EPB41L1: variants seen among roughly 807,000 people sequenced by gnomAD.
EPB41L1 encodes erythrocyte membrane protein band 4.1 like 1.
Under a neutral mutation model 97.8 loss-of-function variants are expected in EPB41L1, and 29 were observed. The ratio of observed to expected loss-of-function variants is 0.30; its 90% CI spans 0.22 to 0.40. The LOEUF (loss-of-function observed/expected upper bound fraction) is 0.40. Ranked by LOEUF, EPB41L1 falls within the 10% of genes least tolerant of loss-of-function variation. The pLI is 1.00. For synonymous variants in EPB41L1, 383 were observed against 459.2 expected, an observed-to-expected ratio of 0.83 and a Z score of 2.12; for missense variants, 812 against 1,162.3, an observed-to-expected ratio of 0.70 and a Z score of 4.38.
At chr20:36,198,934 G>A (rs1460100776) in intron 14 of EPB41L1, among the ~76,000 whole-genome samples, 3 of 152,072 alleles carry the variant, frequency 2.0e-5, no homozygotes, top group African/African-American at 7.2e-5. Context: ...TACTTCATGG[G>A]GATGTTGTAA....
intron 2 of EPB41L1, chr20:36,113,622 T>C (rs1042004293): frequency 6.6e-6 from 1 of 152,432 alleles, no homozygotes; most frequent in African/African-American, 2.4e-5. Context: ...GCGATTTGGC[T>C]CCTTCCTACA....
intron 1 of EPB41L1, among the ~76,000 whole-genome samples, chr20:36,170,696 A>C (rs2060951075): frequency 6.6e-6 from 1 of 152,062 alleles, no homozygotes; most frequent in African/African-American, 2.4e-5. Flanking sequence ...GGATCTGGGG[A>C]GTCTGGAGGC....
At chr20:36,192,055 A>G (rs770710706) in intron 11 of EPB41L1, among the ~76,000 whole-genome samples, 1 of 151,906 alleles carries the variant, frequency 6.6e-6, no homozygotes, top group Non-Finnish European at 1.5e-5. Flanking sequence ...ATGAAACCCC[A>G]TCTCTACTAA....
intron 2 of EPB41L1, among the ~76,000 whole-genome samples, chr20:36,145,218 G>A (rs1289386427): frequency 6.6e-6 from 1 of 151,758 alleles, no homozygotes; most frequent in Non-Finnish European, 1.5e-5. Context: ...TGAAACCCCC[G>A]TCTCTACTAA....
chr20:36,227,937 C>G (rs1353060519), intron 21 of EPB41L1, among the ~76,000 whole-genome samples: 4 of 152,196 alleles, frequency 2.6e-5, no homozygotes, highest in African/African-American at 9.7e-5. Flanking sequence ...AAGAGGGCAG[C>G]ACTTGCCTAG....
chr20:36,181,676 A>G (rs2061476916), intron 5 of EPB41L1, among the ~76,000 whole-genome samples: 1 of 152,236 alleles, frequency 6.6e-6, no homozygotes, highest in African/African-American at 2.4e-5. Flanking sequence ...AACAGATCAA[A>G]TCATTTTTGG....
At chr20:36,196,415 C>G (rs554556713) in intron 13 of EPB41L1, among the ~76,000 whole-genome samples, 4 of 152,212 alleles carry the variant, frequency 2.6e-5, no homozygotes, top group Non-Finnish European at 5.9e-5. Flanking sequence ...AGCCACATCT[C>G]AGGTTGGGAC....
chr20:36,193,083 G>A (rs138554900), intron 11 of EPB41L1, among the ~76,000 whole-genome samples: 2 of 152,302 alleles, frequency 1.3e-5, no homozygotes, highest in Non-Finnish European at 2.9e-5. Flanking sequence ...AAAGGGAAAG[G>A]TCCCTCCCCT....
Position 36,207,010 on chromosome 20 carries a change from C to G in EPB41L1, c.1669-2478C>G, listed in dbSNP as rs529062324. ...CCCACCCAAAGAGAGGGGAGTGGTT[C>G]CCACCCAGAAAGGAGGGGCTGAGCT... On this transcript the variant is annotated intron_variant, in intron 14 of 21. Coordinates refer to ENST00000338074, the MANE Select transcript of EPB41L1 (RefSeq NM_012156.2). The surrounding 1 kb of genome is among the most constrained non-coding windows in gnomAD (Gnocchi z 4.9). 3.8e-4 allele frequency: 490 copies of G among 1,289,914 alleles called. 9 individuals are homozygous for G. In the South Asian group the frequency reaches 5.8e-3, roughly 15 times the overall value. 79.9% of individuals were successfully genotyped at this position (1,289,914 alleles called of 1,614,324 possible). A position where few individuals can be genotyped will look rare whatever the true frequency, so the allele number is the denominator to read the frequency against.
At chr20:36,154,055 C>T (rs1206095738), upstream of EPB41L1, among the ~76,000 whole-genome samples, 1 of 152,202 alleles carries the variant, frequency 6.6e-6, no homozygotes, top group Non-Finnish European at 1.5e-5. This position sits in a 1 kb window ranked among gnomAD's most constrained non-coding sequence, Gnocchi z 5.5. Context: ...CACTGTTACA[C>T]TTACTGTCAT....
Position 36,212,495 on chromosome 20 carries a change from A to G in EPB41L1, c.2184+119A>G. 1.2e-6 allele frequency: 1 copy of G among 830,196 alleles called. No individual in the cohort carries two copies. Among genetic ancestry groups the G allele is most frequent in the Non-Finnish European group, 2.0e-6 (1 of 502,164 alleles). The allele number at this position is 830,196 out of a possible 1,614,324, so 51.4% of individuals were successfully genotyped here. A position where few individuals can be genotyped will look rare whatever the true frequency, so the allele number is the denominator to read the frequency against. On this transcript the variant is annotated intron_variant, in intron 16 of 21. Transcript: ENST00000338074. The surrounding 1 kb of genome is among the most constrained non-coding windows in gnomAD (Gnocchi z 4.8). ...TTTAATCTCAGCTTCCCTGGAACCC[A>G]TATGTTAATCCTGATGCTCTCCTGT... is the stretch of plus-strand genomic sequence containing the variant.
intron 2 of EPB41L1, among the ~76,000 whole-genome samples, chr20:36,135,668 G>A (rs2059391214): frequency 6.6e-6 from 1 of 152,202 alleles, no homozygotes; most frequent in African/African-American, 2.4e-5. Context: ...GGCCACCCTG[G>A]AGGTCTCCCA....
intron 11 of EPB41L1, among the ~76,000 whole-genome samples, chr20:36,191,160 A>G (rs530434524): frequency 3.3e-5 from 5 of 151,734 alleles, no homozygotes; most frequent in African/African-American, 1.2e-4. Context: ...TGCAGGTCTG[A>G]TTCACCCTCC....
intron 2 of EPB41L1, among the ~76,000 whole-genome samples, chr20:36,138,191 C>T (rs1040680716): frequency 6.6e-6 from 1 of 151,784 alleles, no homozygotes; most frequent in African/African-American, 2.4e-5. Flanking sequence ...ACAGAGATCT[C>T]TTTGACACCT....
At chr20:36,144,105 G>A (rs1451658198) in intron 2 of EPB41L1, among the ~76,000 whole-genome samples, 1 of 152,042 alleles carries the variant, frequency 6.6e-6, no homozygotes, top group African/African-American at 2.4e-5. Context: ...TGCCCGCCTC[G>A]GCCTCCCAGA....
intron 1 of EPB41L1, among the ~76,000 whole-genome samples, chr20:36,168,138 C>G (rs1054214113): frequency 3.9e-5 from 6 of 152,144 alleles, no homozygotes; most frequent in African/African-American, 1.4e-4. Flanking sequence ...GCTGAGTGCC[C>G]CTGGAAGGTG....
chr20:36,190,177 C>CA lies in EPB41L1; in HGVS notation c.1027-93dup, dbSNP rs1372959098. On this transcript the variant is annotated intron_variant, in intron 9 of 21. Coordinates refer to ENST00000338074, the MANE Select transcript of EPB41L1 (RefSeq NM_012156.2). This position sits in a 1 kb window ranked among gnomAD's most constrained non-coding sequence, Gnocchi z 5.8. ...GGCAAATGATCGAGACCCTGTGTCT[C>CA]AAAAAAACATTAAACAAATAAAATA... 5 of 1,019,214 alleles carry CA rather than the reference C, an allele frequency of 4.9e-6. No homozygotes were observed. The highest frequency in any genetic ancestry group is 2.6e-5 in the East Asian group (1 of 38,416). 63.1% of individuals were successfully genotyped at this position (1,019,214 alleles called of 1,614,324 possible).
intron 14 of EPB41L1, among the ~76,000 whole-genome samples, chr20:36,203,136 T>C (rs2062594664): frequency 6.6e-6 from 1 of 152,228 alleles, no homozygotes. Context: ...AGAACGACTT[T>C]CACGCCAACC....
Position 36,092,278 on chromosome 20 carries a change from G to A in EPB41L1, c.-65+666G>A, listed in dbSNP as rs1009439495. Among the ~76,000 whole-genome samples the A allele has an allele frequency of 6.6e-6, 1 of 152,210 alleles. No individual in the cohort carries two copies. The highest frequency in any genetic ancestry group is 1.5e-5 in the Non-Finnish European group (1 of 68,030). ...GAAGTCTAAGCTAGGGAAAATCGAG[G>A]TCGGCGCTGGCGGGAACCCGGGAGG... On this transcript the variant is annotated intron_variant, in intron 1 of 19. Transcript: ENST00000202028. The surrounding 1 kb of genome is among the most constrained non-coding windows in gnomAD (Gnocchi z 7.0).
Sources: allele counts gnomAD v4.1 joint callset (sites outside exome capture counted in the v4.1 genomes callset), GRCh38; gene constraint gnomAD v4.1.1; non-coding constraint Gnocchi (gnomAD v3.1); transcripts MANE v1.5; gene names NCBI Gene and HGNC (gene_info 2026-07-23, HGNC 2026-07-21).